ANKRD30B: variants seen among roughly 807,000 people sequenced by gnomAD.
ANKRD30B encodes the protein ankyrin repeat domain-containing protein 30B.
A neutral mutation model predicts 202.2 loss-of-function variants in ANKRD30B; 144 were observed. The ratio of observed to expected loss-of-function variants is 0.71; its 90% CI spans 0.62 to 0.82. ANKRD30B has a LOEUF of 0.82. Ranked by LOEUF, ANKRD30B falls within the 40% of genes least tolerant of loss-of-function variation. The pLI is 0.00. For missense variants in ANKRD30B, 1,487 were observed against 1,669.1 expected, an observed-to-expected ratio of 0.89 and a Z score of 1.90; for synonymous variants, 508 against 561.3, an observed-to-expected ratio of 0.91 and a Z score of 1.34.
At chr18:14,796,532 A>G in intron 18 of ANKRD30B, 117 bp downstream of exon 18, 2 of 1,238,434 alleles carry the variant, frequency 1.6e-6, no homozygotes, top group Non-Finnish European at 2.2e-6. Flanking sequence ...GAAAATTTGA[A>G]ACAAATAATG....
chr18:14,748,916 C>G (rs1912949482), intron 1 of ANKRD30B, among the ~76,000 whole-genome samples: 1 of 152,350 alleles, frequency 6.6e-6, no homozygotes, highest in African/African-American at 2.4e-5. Flanking sequence ...CACTTCCCCT[C>G]ACAAAGCACT....
In ANKRD30B at chr18:14,810,189, T is replaced by C. The variant is rs187212264; in HGVS notation, c.2488+9T>C. 1.4e-4 allele frequency: 192 copies of C among 1,349,510 alleles called. 14 individuals carry two copies. The South Asian group carries it at 2.5e-3, about 18-fold the overall frequency. 83.6% of individuals were successfully genotyped at this position (1,349,510 alleles called of 1,614,324 possible). A position where few individuals can be genotyped will look rare whatever the true frequency, so the allele number is the denominator to read the frequency against. ...AGAAACATTAAAAGCAGGTAAACTT[T>C]GTAATTTAAATTTTACTCTGGAATT... On this transcript the variant is annotated intron_variant, in intron 28 of 43. Coordinates refer to ENST00000690538, the MANE Select transcript of ANKRD30B (RefSeq NM_001367607.2).
chr18:14,918,813 C>T, the ANKRD30B span, among the ~76,000 whole-genome samples: 1 of 152,168 alleles, frequency 6.6e-6, no homozygotes, highest in Non-Finnish European at 1.5e-5. Context: ...AAACCCAACC[C>T]CCTAGTGCGA....
the ANKRD30B span, among the ~76,000 whole-genome samples, chr18:14,902,266 G>A: frequency 6.6e-6 from 1 of 152,034 alleles, no homozygotes; most frequent in Admixed American, 6.6e-5. Context: ...CATATTACAA[G>A]GTTTATAGGC....
At chr18:14,834,053 A>T (rs1971071466) in intron 34 of ANKRD30B, among the ~76,000 whole-genome samples, 1 of 152,308 alleles carries the variant, frequency 6.6e-6, no homozygotes, top group East Asian at 1.9e-4. Context: ...TCTTGGAAGA[A>T]GCAGAATTTA....
In ANKRD30B at chr18:14,822,659, A is replaced by G; in HGVS notation, c.2725A>G (p.Arg909Gly). 1 of 1,437,160 alleles carries G rather than the reference A, an allele frequency of 7.0e-7. No homozygotes were observed. Among genetic ancestry groups the G allele is most frequent in the Non-Finnish European group, 9.3e-7 (1 of 1,071,128 alleles). 89.0% of individuals were successfully genotyped at this position (1,437,160 alleles called of 1,614,324 possible). ...LPNKALELKD[R>G]ETFKAEDVSS... ...AAATAAAGCCTTAGAATTGAAGGAC[A>G]GAGAAACATTCAAAGCAGGTAAATT... Residue 909 changes from arginine to glycine, a missense_variant, in exon 32 of 44, where the codon AGA (arginine) becomes GGA (glycine). By Grantham distance (125) the Arg-to-Gly change is moderately radical. This residue lies in a region of ANKRD30B where 218 missense variants were observed against 320.1 expected (regional missense o/e 0.68). Coordinates refer to ENST00000690538, the MANE Select transcript of ANKRD30B (RefSeq NM_001367607.2).
chr18:14,784,276 C>A, intron 12 of ANKRD30B, 60 bp from the exon 13 acceptor site: 1 of 1,515,186 alleles, frequency 6.6e-7, no homozygotes, highest in Non-Finnish European at 9.1e-7. Context: ...TCACTGCATT[C>A]ACTCGGTTGG....
chr18:14,772,880 G>T (rs912236691), intron 9 of ANKRD30B, among the ~76,000 whole-genome samples: 1 of 152,082 alleles, frequency 6.6e-6, no homozygotes. Context: ...TACCAGGGAG[G>T]CTGATGCAGG....
At chr18:14,865,565 C>T in the ANKRD30B span, among the ~76,000 whole-genome samples, 1 of 151,464 alleles carries the variant, frequency 6.6e-6, no homozygotes, top group African/African-American at 2.4e-5. Context: ...TCTGTGAAAC[C>T]TTCCGTCCCT....
intron 1 of ANKRD30B, among the ~76,000 whole-genome samples, chr18:14,749,124 C>G (rs1912990707): frequency 6.6e-6 from 1 of 152,108 alleles, no homozygotes; most frequent in East Asian, 1.9e-4. Flanking sequence ...CAATGAATGT[C>G]TATGTAAATA....
At chr18:14,867,933 C>T in the ANKRD30B span, among the ~76,000 whole-genome samples, 1 of 152,234 alleles carries the variant, frequency 6.6e-6, no homozygotes, top group Non-Finnish European at 1.5e-5. Flanking sequence ...CCAGCTGCTC[C>T]AAGCCAGGCT....
intron 7 of ANKRD30B, among the ~76,000 whole-genome samples, chr18:14,767,407 A>G (rs1173250220): frequency 6.6e-6 from 1 of 152,218 alleles, no homozygotes. Flanking sequence ...GAAATTAAGA[A>G]TAACTCATGA....
the ANKRD30B span, among the ~76,000 whole-genome samples, chr18:14,879,240 C>T: frequency 2.6e-5 from 4 of 152,166 alleles, no homozygotes; most frequent in East Asian, 1.9e-4. Context: ...GTGTGGAAAA[C>T]GGGAAACCAA....
chr18:14,910,385 T>C, the ANKRD30B span, among the ~76,000 whole-genome samples: 2 of 152,046 alleles, frequency 1.3e-5, no homozygotes, highest in African/African-American at 4.8e-5. Flanking sequence ...GGCCTCCAGT[T>C]TCATCTACGT....
At chr18:14,795,474 G>C (rs1233449836) in intron 16 of ANKRD30B, among the ~76,000 whole-genome samples, 1 of 152,212 alleles carries the variant, frequency 6.6e-6, no homozygotes, top group Non-Finnish European at 1.5e-5. Flanking sequence ...TGGAGTTACA[G>C]GCATGAGCCA....
intron 28 of ANKRD30B, among the ~76,000 whole-genome samples, chr18:14,810,509 T>C (rs1969853158): frequency 6.6e-6 from 1 of 151,286 alleles, no homozygotes; most frequent in Admixed American, 6.6e-5. Context: ...GTTCAAATGC[T>C]GACTGGAATT....
the ANKRD30B span, among the ~76,000 whole-genome samples, chr18:14,908,845 G>A: frequency 4.6e-5 from 7 of 152,162 alleles, no homozygotes; most frequent in Non-Finnish European, 8.8e-5. Flanking sequence ...GGAGGATGTG[G>A]AGCTGGCTTG....
rs988595309 is a variant in ANKRD30B at position 14,831,841 on chromosome 18, T to C, written c.2847+386T>C. Among the ~76,000 whole-genome samples, 39 of 152,330 alleles carry C rather than the reference T, an allele frequency of 2.6e-4. 1 individual carries two copies. Among genetic ancestry groups the C allele is most frequent in the Middle Eastern group, 6.8e-3 (2 of 294 alleles). ...CTTACTGTGACTTTTAAAATTATTC[T>C]ATTGTAACTTTAAAAACACCTCATC... is the stretch of plus-strand genomic sequence containing the variant. On this transcript the variant is annotated intron_variant, in intron 34 of 43. Coordinates refer to ENST00000690538, the MANE Select transcript of ANKRD30B (RefSeq NM_001367607.2).
At chr18:14,933,519 G>T in the ANKRD30B span, among the ~76,000 whole-genome samples, 3 of 152,248 alleles carry the variant, frequency 2.0e-5, no homozygotes, top group Middle Eastern at 3.4e-3. Context: ...AATCGGGACT[G>T]GGTGGGAGCT....
Sources: allele counts gnomAD v4.1 joint callset (sites outside exome capture counted in the v4.1 genomes callset), GRCh38; gene constraint gnomAD v4.1.1; regional missense constraint gnomAD v4.1.1; transcripts MANE v1.5; gene names NCBI Gene and HGNC (gene_info 2026-07-23, HGNC 2026-07-21).